The following DLGAP2 variants were observed in gnomAD, a reference collection of about 807,000 sequenced individuals.
DLGAP2 encodes DLG associated protein 2, also known as disks large-associated protein 2.
In DLGAP2, 26 loss-of-function variants were observed where a neutral mutation model predicts 100.3. The ratio of observed to expected loss-of-function variants is 0.26; its 90% CI spans 0.19 to 0.36. The LOEUF is 0.36. DLGAP2 is among the 10% of genes least tolerant of loss of function. The probability of loss-of-function intolerance (pLI) is 1.00; values close to 1 mark genes in which losing one functional copy is unlikely to be tolerated. For missense variants in DLGAP2, 1,858 were observed against 1,453.2 expected (o/e 1.28, Z -4.53); for synonymous variants, 886 against 630.1 (o/e 1.41, Z -6.08).
At chr8:1,082,401 C>A (rs1179035598) in intron 2 of DLGAP2, among the ~76,000 whole-genome samples, 1 of 152,132 alleles carries the variant, frequency 6.6e-6, no homozygotes, top group African/African-American at 2.4e-5. Context: ...TTGTCTGGAT[C>A]TAGCTAAGGG....
At chr8:943,511 C>T (rs1039717425) in intron 2 of DLGAP2, among the ~76,000 whole-genome samples, 16 of 152,332 alleles carry the variant, frequency 1.1e-4, no homozygotes, top group African/African-American at 2.6e-4. Context: ...CAGCAAGAAC[C>T]GCTGTGTACA....
intron 8 of DLGAP2, among the ~76,000 whole-genome samples, chr8:1,638,553 G>T (rs1399615627): frequency 6.6e-6 from 1 of 152,186 alleles, no homozygotes; most frequent in Non-Finnish European, 1.5e-5. Context: ...CTGCAGAAGA[G>T]CACGGAGAAG....
intron 3 of DLGAP2, among the ~76,000 whole-genome samples, chr8:1,291,604 C>T (rs959640679): frequency 6.6e-6 from 1 of 152,162 alleles, no homozygotes; most frequent in Non-Finnish European, 1.5e-5. Context: ...CTACTCTTAG[C>T]ATATCTCCTA....
intron 2 of DLGAP2, among the ~76,000 whole-genome samples, chr8:1,209,861 G>C (rs56159350): frequency 0.55 from 83,489 of 151,548 alleles, 25,201 homozygotes; most frequent in African/African-American, 0.81. Context: ...CACTCAGAAC[G>C]CCCAGGCATG....
At chr8:911,376 G>T (rs566276111) in intron 2 of DLGAP2, among the ~76,000 whole-genome samples, 24 of 152,048 alleles carry the variant, frequency 1.6e-4, no homozygotes, top group Non-Finnish European at 2.2e-4. Context: ...TATAACATAT[G>T]TTGGAAAGAT....
chr8:932,952 T>C (rs1269597228), intron 2 of DLGAP2, among the ~76,000 whole-genome samples: 1 of 152,242 alleles, frequency 6.6e-6, no homozygotes, highest in Non-Finnish European at 1.5e-5. Context: ...TCTTAGACTG[T>C]TTTGGGCAAA....
intron 4 of DLGAP2, among the ~76,000 whole-genome samples, chr8:1,511,890 G>C (rs1800176550): frequency 6.6e-6 from 1 of 152,244 alleles, no homozygotes; most frequent in Non-Finnish European, 1.5e-5. Flanking sequence ...GAATTGGAAA[G>C]AGAAACATTA....
chr8:869,250 T>A (rs770932456), intron 1 of DLGAP2, among the ~76,000 whole-genome samples: 9 of 152,208 alleles, frequency 5.9e-5, no homozygotes, highest in Non-Finnish European at 1.3e-4. Context: ...AGTCACAGTG[T>A]GGATCTTCTG....
At chr8:804,543 C>G (rs1796230191) in intron 1 of DLGAP2, among the ~76,000 whole-genome samples, 1 of 152,192 alleles carries the variant, frequency 6.6e-6, no homozygotes, top group African/African-American at 2.4e-5. Flanking sequence ...ATGGTTTGCT[C>G]TGTGTTCTCT....
chr8:1,572,033 G>T (rs1247922158), intron 6 of DLGAP2, among the ~76,000 whole-genome samples: 2 of 134,596 alleles, frequency 1.5e-5, no homozygotes, highest in Non-Finnish European at 1.6e-5. Flanking sequence ...GGAGAGGAGA[G>T]AGGGTGAACT....
At chr8:1,066,201 A>G (rs971912957) in intron 2 of DLGAP2, among the ~76,000 whole-genome samples, 2 of 150,862 alleles carry the variant, frequency 1.3e-5, no homozygotes, top group African/African-American at 4.9e-5. Context: ...GGTCTGAGTG[A>G]GGACAGTTCT....
At chr8:1,696,566 C>G (rs1420703544) in intron 13 of DLGAP2, among the ~76,000 whole-genome samples, 1 of 152,214 alleles carries the variant, frequency 6.6e-6, no homozygotes, top group Non-Finnish European at 1.5e-5. Context: ...GGCAGAGAAA[C>G]CAAGCACGTC....
chr8:1,664,917 ATCACT>A (rs1798505914), intron 8 of DLGAP2, among the ~76,000 whole-genome samples: 1 of 152,194 alleles, frequency 6.6e-6, no homozygotes, highest in Admixed American at 6.5e-5. Context: ...TCCAGGAAAA[ATCACT>A]GTGTGTGCCC....
chr8:1,514,285 C>T (rs984566500), intron 4 of DLGAP2, among the ~76,000 whole-genome samples: 1 of 152,236 alleles, frequency 6.6e-6, no homozygotes, highest in African/African-American at 2.4e-5. Flanking sequence ...TGCGACTATT[C>T]CCAGAAGGCT....
chr8:1,253,641 C>T (rs1223792167), intron 2 of DLGAP2, among the ~76,000 whole-genome samples: 3 of 128,312 alleles, frequency 2.3e-5, no homozygotes. Context: ...AGCCGGTTCT[C>T]AGCGGGCTGC....
At chr8:1,156,307 C>A (rs1796785805) in intron 2 of DLGAP2, among the ~76,000 whole-genome samples, 1 of 152,164 alleles carries the variant, frequency 6.6e-6, no homozygotes, top group African/African-American at 2.4e-5. Context: ...CAAAGCCACT[C>A]CTGAGGAGAG....
intron 3 of DLGAP2, among the ~76,000 whole-genome samples, chr8:1,273,361 C>T (rs1799620230): frequency 6.6e-6 from 1 of 152,296 alleles, no homozygotes; most frequent in African/African-American, 2.4e-5. Flanking sequence ...TGCTTGGGAG[C>T]ATGAGGCACA....
intron 3 of DLGAP2, among the ~76,000 whole-genome samples, chr8:1,289,125 C>T (rs1317673228): frequency 1.3e-5 from 2 of 152,126 alleles, no homozygotes; most frequent in African/African-American, 2.4e-5. Context: ...AATTGAGACC[C>T]CAGGCTGTTT....
chr8:1,157,466 A>T (rs76138813), intron 2 of DLGAP2, among the ~76,000 whole-genome samples: 1 of 152,160 alleles, frequency 6.6e-6, no homozygotes, highest in Non-Finnish European at 1.5e-5. Context: ...CTTTCAGTCT[A>T]AAGTTTTCAT....
Sources: gnomAD v4.1 joint callset for allele counts (sites outside exome capture counted in the v4.1 genomes callset) on GRCh38, gnomAD v4.1.1 for gene constraint, MANE v1.5 for transcripts, NCBI Gene and HGNC (gene_info 2026-07-23, HGNC 2026-07-21) for gene names.